The following NLK variants were observed in gnomAD, a reference collection of about 807,000 sequenced individuals.
The protein encoded by NLK is serine/threonine-protein kinase NLK.
A neutral mutation model predicts 59.0 loss-of-function variants in NLK; 11 were observed. That is an observed-to-expected ratio of 0.19 (90% CI 0.12 to 0.31). NLK has a LOEUF of 0.31. NLK is among the 10% of genes least tolerant of loss of function. The probability of loss-of-function intolerance (pLI) is 1.00; values close to 1 mark genes in which losing one functional copy is unlikely to be tolerated. For synonymous variants in NLK, 235 were observed against 235.9 expected (o/e 1.00, Z 0.03); for missense variants, 410 against 661.1 (o/e 0.62, Z 4.16).
chr17:28,136,556 C>T (rs1250190923), intron 3 of NLK, among the ~76,000 whole-genome samples: 1 of 152,162 alleles, frequency 6.6e-6, no homozygotes, highest in Non-Finnish European at 1.5e-5. Flanking sequence ...GTTCTGCCTT[C>T]ACTGCTGATT....
chr17:28,084,358 A>G (rs1383697704), intron 1 of NLK, among the ~76,000 whole-genome samples: 2 of 152,194 alleles, frequency 1.3e-5, no homozygotes, highest in African/African-American at 4.8e-5. Flanking sequence ...ATTAAGATGA[A>G]ATAGGTTTCT....
chr17:28,082,094 A>G (rs1463633203), intron 1 of NLK, among the ~76,000 whole-genome samples: 1 of 152,076 alleles, frequency 6.6e-6, no homozygotes, highest in Non-Finnish European at 1.5e-5. Context: ...GGGTTTTGCT[A>G]TGTTGGCCAT....
chr17:28,126,676 A>T (rs975704615), intron 2 of NLK, among the ~76,000 whole-genome samples: 1 of 152,260 alleles, frequency 6.6e-6, no homozygotes, highest in East Asian at 1.9e-4. Flanking sequence ...AGGTGACCTG[A>T]CTGAATTTTT....
intron 8 of NLK, among the ~76,000 whole-genome samples, chr17:28,186,183 A>T (rs1909108467): frequency 6.6e-6 from 1 of 152,264 alleles, no homozygotes; most frequent in East Asian, 1.9e-4. Context: ...TACCAAAGTT[A>T]TTAAGTTTAC....
At chr17:28,123,750 C>T (rs192211511) in intron 2 of NLK, among the ~76,000 whole-genome samples, 73 of 152,220 alleles carry the variant, frequency 4.8e-4, no homozygotes, top group African/African-American at 1.7e-3. Context: ...GACAAATAGA[C>T]TCGTGTTTTG....
chr17:28,048,178 T>C, intron 1 of NLK: 1 of 380,870 alleles, frequency 2.6e-6, no homozygotes, highest in East Asian at 3.7e-5. Context: ...AGATAAAGAG[T>C]AGAGAATAAA....
chr17:28,074,452 C>T (rs1046111692), intron 1 of NLK, among the ~76,000 whole-genome samples: 4 of 152,098 alleles, frequency 2.6e-5, no homozygotes, highest in African/African-American at 9.7e-5. Context: ...TAGAGCATAA[C>T]AGTTACAAAT....
Position 28,043,072 on chromosome 17 carries a change from C to T in NLK, c.199C>T (p.His67Tyr). Residue 67 changes from histidine (H) to tyrosine (Y), a missense_variant, in exon 1 of 11, where the codon CAC (histidine) becomes TAC (tyrosine). His to Tyr is a moderately conservative substitution (Grantham distance 83). This residue lies in a region of NLK where 160 missense variants were observed against 171.0 expected (regional missense o/e 0.94). Transcript: ENST00000407008. ...TGCCGCTGTACACCCTGTACAGCAG[C>T]ACACCTCTTCGGCAGCTGCGGCAGC... is the stretch of plus-strand genomic sequence containing the variant. ...SAAAVHPVQQ[H>Y]TSSAAAAAAA... is the part of the protein sequence containing the mutation. 1.3e-6 allele frequency: 2 copies of T among 1,568,498 alleles called. No homozygotes were observed. The highest frequency in any genetic ancestry group is 1.7e-6 in the Non-Finnish European group (2 of 1,156,062).
chr17:28,170,082 G>A (rs570545236), intron 6 of NLK, among the ~76,000 whole-genome samples: 1 of 152,252 alleles, frequency 6.6e-6, no homozygotes, highest in African/African-American at 2.4e-5. Flanking sequence ...AAGGCAGTAA[G>A]ATGCTGGAGA....
At position 28,106,095 on chromosome 17, in the gene NLK, G is replaced by A. The variant is rs78148298; in HGVS notation, c.459-16508G>A. 7.9e-5 allele frequency among the ~76,000 whole-genome samples: 12 copies of A among 152,200 alleles called. No individual in the cohort carries two copies. In the East Asian group the frequency reaches 2.3e-3, roughly 29 times the overall value. ...CTGTATCTAAAGCATCCAGATTATGGTTGGAGAACCTAACATGAAATATAT... is the reference window on the plus strand; with the variant it reads ...CTGTATCTAAAGCATCCAGATTATGATTGGAGAACCTAACATGAAATATAT... On this transcript the variant is annotated intron_variant, in intron 1 of 10. Transcript: ENST00000407008.
chr17:28,080,014 A>G (rs1412600461), intron 1 of NLK, among the ~76,000 whole-genome samples: 1 of 152,078 alleles, frequency 6.6e-6, no homozygotes, highest in Non-Finnish European at 1.5e-5. Flanking sequence ...TAAGGATCCA[A>G]CTTCATTCTT....
chr17:28,110,115 G>A (rs561128201), intron 1 of NLK, among the ~76,000 whole-genome samples: 3 of 151,986 alleles, frequency 2.0e-5, no homozygotes, highest in Admixed American at 6.5e-5. Context: ...CATTCTATGT[G>A]TTACACTTCT....
intron 7 of NLK, among the ~76,000 whole-genome samples, chr17:28,184,926 TGA>T (rs1329791227): frequency 6.6e-6 from 1 of 152,056 alleles, no homozygotes; most frequent in Non-Finnish European, 1.5e-5. Context: ...CTAGCCTGGG[TGA>T]GAGAGCGAGA....
At chr17:28,136,363 A>C (rs1906746320) in intron 3 of NLK, among the ~76,000 whole-genome samples, 1 of 152,226 alleles carries the variant, frequency 6.6e-6, no homozygotes. Context: ...ATTTTCCAAT[A>C]GTGGTGTCAA....
chr17:28,123,029 A>C (rs563733349), intron 2 of NLK, among the ~76,000 whole-genome samples: 3 of 152,234 alleles, frequency 2.0e-5, no homozygotes, highest in African/African-American at 7.2e-5. Flanking sequence ...TCTCTCTATG[A>C]CTGTCTTAAA....
intron 7 of NLK, among the ~76,000 whole-genome samples, chr17:28,179,872 GTTTTTTTTTT>G (rs34411493): frequency 3.8e-5 from 3 of 79,412 alleles, no homozygotes; most frequent in African/African-American, 5.0e-5. Flanking sequence ...AGCATTCTTG[GTTTTTTTTTT>G]TTTTTTTTTT....
chr17:28,183,106 G>A (rs1351244219), intron 7 of NLK, among the ~76,000 whole-genome samples: 5 of 152,160 alleles, frequency 3.3e-5, no homozygotes, highest in Non-Finnish European at 4.4e-5. Context: ...CTTTGGTCTC[G>A]ACTACTCGGG....
chr17:28,128,501 C>T (rs186095150), intron 2 of NLK, among the ~76,000 whole-genome samples: 28 of 152,174 alleles, frequency 1.8e-4, no homozygotes, highest in Middle Eastern at 3.4e-3. Context: ...TAAATGAAGA[C>T]GTTTTGCCCA....
chr17:28,050,152 T>TA (rs1256715142), intron 1 of NLK, among the ~76,000 whole-genome samples: 1 of 152,166 alleles, frequency 6.6e-6, no homozygotes, highest in East Asian at 1.9e-4. Flanking sequence ...GCAATAGAGA[T>TA]AGTCCCTGGA....
Sources: gnomAD v4.1 joint callset for allele counts (sites outside exome capture counted in the v4.1 genomes callset) on GRCh38, gnomAD v4.1.1 for gene constraint, gnomAD v4.1.1 regional missense constraint, MANE v1.5 for transcripts, NCBI Gene and HGNC (gene_info 2026-07-23, HGNC 2026-07-21) for gene names.